DTNBP1: variants seen among roughly 807,000 people sequenced by gnomAD.
DTNBP1 encodes dystrobrevin binding protein 1.
Under a neutral mutation model 42.8 loss-of-function variants are expected in DTNBP1, and 35 were observed. The observed-to-expected ratio is 0.82, with a 90% CI of 0.63 to 1.09. DTNBP1 has a LOEUF of 1.09. Ranked by LOEUF, DTNBP1 falls within the 50% of genes least tolerant of loss-of-function variation. DTNBP1 has a pLI of 0.00. For synonymous variants in DTNBP1, 171 were observed against 162.2 expected, an observed-to-expected ratio of 1.05 and a Z score of -0.41; for missense variants, 457 against 424.2, an observed-to-expected ratio of 1.08 and a Z score of -0.68.
At position 15,543,557 on chromosome 6, in the gene DTNBP1, A is replaced by T. The variant is rs1198208759; in HGVS notation, c.512-10162T>A. Among the ~76,000 whole-genome samples the T allele has an allele frequency of 2.6e-5, 4 of 152,242 alleles. No homozygotes were observed. In the South Asian group the frequency reaches 6.2e-4, roughly 24 times the overall value. On this transcript the variant is annotated intron_variant, in intron 7 of 9. Coordinates refer to ENST00000344537, the MANE Select transcript of DTNBP1 (RefSeq NM_032122.5). ...AAAGTTTAGCCTGTTAACTTCCTTT[A>T]AAATTCAAGAAGGAGAAAAATTGTT...
chr6:15,530,767 A>C (rs1449272883), intron 8 of DTNBP1, among the ~76,000 whole-genome samples: 1 of 152,128 alleles, frequency 6.6e-6, no homozygotes, highest in Non-Finnish European at 1.5e-5. Context: ...GCTAAACTGA[A>C]GGAAGATAGA....
chr6:15,541,050 C>T (rs1773532003), intron 7 of DTNBP1, among the ~76,000 whole-genome samples: 1 of 152,162 alleles, frequency 6.6e-6, no homozygotes, highest in South Asian at 2.1e-4. Flanking sequence ...CAGCTCCCCA[C>T]TTCATTTCAG....
chr6:15,658,443 A>G (rs1288147123), intron 1 of DTNBP1, among the ~76,000 whole-genome samples: 2 of 152,186 alleles, frequency 1.3e-5, no homozygotes, highest in African/African-American at 4.8e-5. Flanking sequence ...CAGAATGAGG[A>G]CACTGGGCAG....
intron 8 of DTNBP1, among the ~76,000 whole-genome samples, chr6:15,532,748 G>C (rs550926376): frequency 8.3e-6 from 1 of 120,880 alleles, no homozygotes; most frequent in Non-Finnish European, 1.6e-5. Context: ...CACCTAGGCC[G>C]GAGTGCAGTG....
intron 9 of DTNBP1, 104 bp from the exon 10 acceptor site, chr6:15,523,323 G>T (rs1772051177): frequency 6.6e-7 from 1 of 1,513,404 alleles, no homozygotes; most frequent in Non-Finnish European, 9.1e-7. Flanking sequence ...GGGGGGTGTG[G>T]TTTTTGTTCC....
chr6:15,595,996 T>C (rs1180674473), intron 6 of DTNBP1, among the ~76,000 whole-genome samples: 2 of 152,184 alleles, frequency 1.3e-5, no homozygotes, highest in East Asian at 3.9e-4. Flanking sequence ...ATGGATATAC[T>C]GGCAAGGGAG....
intron 7 of DTNBP1, among the ~76,000 whole-genome samples, chr6:15,570,287 A>G (rs1211502981): frequency 6.6e-6 from 1 of 152,148 alleles, no homozygotes; most frequent in Non-Finnish European, 1.5e-5. Flanking sequence ...TTCTCATTAA[A>G]GCAACTATCT....
intron 6 of DTNBP1, among the ~76,000 whole-genome samples, chr6:15,594,825 T>C (rs755176784): frequency 1.3e-5 from 2 of 152,164 alleles, no homozygotes; most frequent in East Asian, 1.9e-4. Context: ...TTAGAATGTG[T>C]GACTGTGAGC....
At chr6:15,542,053 G>A (rs1773595269) in intron 7 of DTNBP1, among the ~76,000 whole-genome samples, 1 of 152,136 alleles carries the variant, frequency 6.6e-6, no homozygotes, top group African/African-American at 2.4e-5. Flanking sequence ...TAAAGATTAA[G>A]AGCATTGTTC....
At chr6:15,579,891 T>C (rs1243258107) in intron 7 of DTNBP1, 3 of 455,050 alleles carry the variant, frequency 6.6e-6, no homozygotes, top group Non-Finnish European at 1.3e-5. Context: ...CTAATTATCC[T>C]GATTTACTCA....
intron 1 of DTNBP1, among the ~76,000 whole-genome samples, chr6:15,661,852 T>G (rs1761653443): frequency 2.6e-5 from 4 of 152,342 alleles, no homozygotes; most frequent in African/African-American, 9.6e-5. Flanking sequence ...TTTTACACAT[T>G]AATTCATTAA....
intron 3 of DTNBP1, among the ~76,000 whole-genome samples, chr6:15,644,531 C>T (rs544555536): frequency 1.3e-5 from 2 of 152,214 alleles, no homozygotes; most frequent in South Asian, 2.1e-4. Context: ...CATGCTCAAT[C>T]ATAAAGCAGG....
At chr6:15,631,783 G>A (rs1278055554) in intron 4 of DTNBP1, among the ~76,000 whole-genome samples, 2 of 152,154 alleles carry the variant, frequency 1.3e-5, no homozygotes, top group African/African-American at 4.8e-5. Flanking sequence ...AAAATTCCTA[G>A]AAGCAGAATT....
intron 6 of DTNBP1, among the ~76,000 whole-genome samples, chr6:15,610,027 C>T (rs747729950): frequency 3.3e-5 from 5 of 152,170 alleles, no homozygotes; most frequent in Non-Finnish European, 7.3e-5. Flanking sequence ...TTGTTTACTA[C>T]GTAGGCTTTC....
chr6:15,524,953 T>A (rs1772268394), intron 8 of DTNBP1, among the ~76,000 whole-genome samples: 1 of 152,242 alleles, frequency 6.6e-6, no homozygotes, highest in African/African-American at 2.4e-5. Flanking sequence ...CCCGGCTGTT[T>A]TGAGTAGGAC....
intron 9 of DTNBP1, chr6:15,523,795 CCTT>C (rs1772120221): frequency 7.8e-7 from 1 of 1,287,178 alleles, no homozygotes; most frequent in South Asian, 1.2e-5. Flanking sequence ...CACCCAAGCT[CCTT>C]CTCTTCCCCA....
At chr6:15,574,639 G>C (rs928114650) in intron 7 of DTNBP1, among the ~76,000 whole-genome samples, 1 of 152,176 alleles carries the variant, frequency 6.6e-6, no homozygotes, top group Non-Finnish European at 1.5e-5. Context: ...TCAGCACACA[G>C]AGCACTGCCC....
In DTNBP1 at chr6:15,522,928, A is replaced by C; in HGVS notation, c.*47T>G. On this transcript the variant is annotated 3_prime_UTR_variant, in exon 10 of 10. Coordinates refer to ENST00000344537, the MANE Select transcript of DTNBP1 (RefSeq NM_032122.5). ...GCTTTCCAGGTGGAATTCCGCATACAGCCAAAACTGGATTCCAGTGTGGCC... is the reference window on the plus strand; with the variant it reads ...GCTTTCCAGGTGGAATTCCGCATACCGCCAAAACTGGATTCCAGTGTGGCC... 6.2e-7 allele frequency: 1 copy of C among 1,614,176 alleles called. No individual in the cohort carries two copies. Among genetic ancestry groups the C allele is most frequent in the Non-Finnish European group, 8.5e-7 (1 of 1,180,030 alleles).
At chr6:15,571,380 AT>A (rs1048660962) in intron 7 of DTNBP1, among the ~76,000 whole-genome samples, 2 of 152,254 alleles carry the variant, frequency 1.3e-5, no homozygotes, top group African/African-American at 4.8e-5. Context: ...GAACAAGTAT[AT>A]CACCTGTCAC....
Sources: allele counts gnomAD v4.1 joint callset (sites outside exome capture counted in the v4.1 genomes callset), GRCh38; gene constraint gnomAD v4.1.1; transcripts MANE v1.5; gene names NCBI Gene and HGNC (gene_info 2026-07-23, HGNC 2026-07-21).